Variants in SLC24A2 observed in about 807,000 individuals in gnomAD.
The protein encoded by SLC24A2 is sodium/potassium/calcium exchanger 2.
A neutral mutation model predicts 62.0 loss-of-function variants in SLC24A2; 36 were observed. The observed-to-expected ratio is 0.58, with a 90% CI of 0.44 to 0.77. The LOEUF (loss-of-function observed/expected upper bound fraction) is 0.77. Among genes scored for constraint, SLC24A2 ranks in the 30% least tolerant of loss-of-function variants. The pLI is 0.00. For missense variants in SLC24A2, 846 were observed against 817.9 expected, an observed-to-expected ratio of 1.03 and a Z score of -0.42; for synonymous variants, 358 against 294.0, an observed-to-expected ratio of 1.22 and a Z score of -2.23.
the SLC24A2 span, among the ~76,000 whole-genome samples, chr9:20,075,158 A>C: frequency 6.6e-6 from 1 of 152,230 alleles, no homozygotes; most frequent in Admixed American, 6.5e-5. Flanking sequence ...GAAATAACTC[A>C]TATTAACTGT....
chr9:19,620,623 A>C (rs1817886017), intron 3 of SLC24A2, among the ~76,000 whole-genome samples: 1 of 152,180 alleles, frequency 6.6e-6, no homozygotes, highest in African/African-American at 2.4e-5. Flanking sequence ...AAAAACTCCC[A>C]AACCCTCTGT....
chr9:19,912,333 G>C, the SLC24A2 span, among the ~76,000 whole-genome samples: 19 of 152,134 alleles, frequency 1.2e-4, no homozygotes, highest in Non-Finnish European at 2.8e-4. Flanking sequence ...GTGATGGGTA[G>C]CATTTGAATG....
intron 5 of SLC24A2, among the ~76,000 whole-genome samples, chr9:19,578,847 G>A (rs1241048586): frequency 6.6e-6 from 1 of 152,124 alleles, no homozygotes; most frequent in Non-Finnish European, 1.5e-5. Flanking sequence ...TCTGCTCACG[G>A]CTCCATTAGT....
the SLC24A2 span, among the ~76,000 whole-genome samples, chr9:20,140,123 T>A: frequency 1.1e-4 from 16 of 152,208 alleles, no homozygotes; most frequent in African/African-American, 2.9e-4. Context: ...CTGACTGAGA[T>A]GCGGCGAGAG....
the SLC24A2 span, among the ~76,000 whole-genome samples, chr9:20,154,391 T>A: frequency 1.3e-5 from 2 of 151,720 alleles, no homozygotes; most frequent in African/African-American, 4.8e-5. Flanking sequence ...GTGGGACAGA[T>A]GAAAAAGGAG....
chr9:19,951,490 G>T, the SLC24A2 span, among the ~76,000 whole-genome samples: 1 of 151,882 alleles, frequency 6.6e-6, no homozygotes, highest in African/African-American at 2.4e-5. Flanking sequence ...TACAGTTTTA[G>T]TTCTTATATT....
the SLC24A2 span, among the ~76,000 whole-genome samples, chr9:20,090,271 A>G: frequency 3.6e-4 from 55 of 152,236 alleles, no homozygotes; most frequent in East Asian, 7.4e-3. Context: ...CCCAGGAGAC[A>G]AGAAAAAACC....
chr9:19,790,242 A>C (rs1823297750), upstream of SLC24A2, among the ~76,000 whole-genome samples: 1 of 152,104 alleles, frequency 6.6e-6, no homozygotes, highest in African/African-American at 2.4e-5. Flanking sequence ...TTTATCTTTA[A>C]CTTTTAATTT....
At chr9:19,607,527 C>G (rs1373558575) in intron 4 of SLC24A2, among the ~76,000 whole-genome samples, 1 of 152,044 alleles carries the variant, frequency 6.6e-6, no homozygotes, top group Non-Finnish European at 1.5e-5. Context: ...CGAGACCAGC[C>G]TGGCCAACAT....
the SLC24A2 span, among the ~76,000 whole-genome samples, chr9:19,833,295 C>T: frequency 7.9e-5 from 12 of 152,118 alleles, no homozygotes; most frequent in African/African-American, 2.2e-4. Flanking sequence ...TCACACGTGA[C>T]GTGCAAGGGG....
the SLC24A2 span, among the ~76,000 whole-genome samples, chr9:19,828,515 T>A: frequency 1.3e-5 from 2 of 152,180 alleles, no homozygotes; most frequent in Non-Finnish European, 2.9e-5. Flanking sequence ...TAAATATTTT[T>A]AAAAACAGGA....
At chr9:19,844,400 T>G in the SLC24A2 span, among the ~76,000 whole-genome samples, 2 of 152,208 alleles carry the variant, frequency 1.3e-5, no homozygotes, top group African/African-American at 4.8e-5. Flanking sequence ...AAGTTCCTTA[T>G]AGACTTGGGA....
chr9:19,919,876 G>A, the SLC24A2 span, among the ~76,000 whole-genome samples: 1 of 152,114 alleles, frequency 6.6e-6, no homozygotes, highest in Non-Finnish European at 1.5e-5. Context: ...CTCCCACCGG[G>A]TCCCTGCCGT....
the SLC24A2 span, among the ~76,000 whole-genome samples, chr9:20,046,424 A>G: frequency 4.7e-4 from 72 of 152,368 alleles, no homozygotes; most frequent in South Asian, 3.5e-3. Context: ...CAGATTGGCA[A>G]TGCCAAGGGC....
At chr9:19,736,090 T>C (rs1821501916) in intron 2 of SLC24A2, among the ~76,000 whole-genome samples, 1 of 152,198 alleles carries the variant, frequency 6.6e-6, no homozygotes, top group Non-Finnish European at 1.5e-5. Flanking sequence ...AGATTCTTAG[T>C]ACATGCTGTC....
chr9:20,094,318 A>T, the SLC24A2 span, among the ~76,000 whole-genome samples: 1 of 152,190 alleles, frequency 6.6e-6, no homozygotes, highest in Non-Finnish European at 1.5e-5. Flanking sequence ...TGAAAGAACA[A>T]CTAACAGATA....
the SLC24A2 span, among the ~76,000 whole-genome samples, chr9:20,159,328 T>C: frequency 6.6e-6 from 1 of 151,676 alleles, no homozygotes; most frequent in African/African-American, 2.4e-5. Flanking sequence ...GAAATTTTAA[T>C]ACCTTGCATA....
At chr9:19,768,183 T>C (rs1822578424) in intron 2 of SLC24A2, among the ~76,000 whole-genome samples, 1 of 152,158 alleles carries the variant, frequency 6.6e-6, no homozygotes, top group Admixed American at 6.5e-5. Context: ...TCAACATGAG[T>C]TTTGGAGGAG....
intron 2 of SLC24A2, among the ~76,000 whole-genome samples, chr9:19,780,447 T>C (rs535141703): frequency 1.3e-5 from 2 of 151,686 alleles, no homozygotes; most frequent in African/African-American, 4.8e-5. Flanking sequence ...TTTGTATCTT[T>C]AGTAGAGACG....
Sources: allele counts gnomAD v4.1 joint callset (sites outside exome capture counted in the v4.1 genomes callset), GRCh38; gene constraint gnomAD v4.1.1; transcripts MANE v1.5; gene names NCBI Gene and HGNC (gene_info 2026-07-23, HGNC 2026-07-21).